The following CDCA7L variants were observed in gnomAD, a reference collection of about 807,000 sequenced individuals.
The protein encoded by CDCA7L is cell division cycle associated 7 like, also known as cell division cycle-associated 7-like protein.
CDCA7L carries 44 observed loss-of-function variants against 57.4 expected under a neutral mutation model. The observed-to-expected ratio is 0.77, with a 90% CI of 0.60 to 0.98. The LOEUF (loss-of-function observed/expected upper bound fraction) is 0.98, where lower values mean the gene tolerates loss of function less well. CDCA7L is among the 50% of genes least tolerant of loss of function. CDCA7L has a pLI of 0.00. For synonymous variants in CDCA7L, 236 were observed against 202.8 expected (o/e 1.16, Z -1.39); for missense variants, 644 against 580.6 (o/e 1.11, Z -1.12).
chr7:21,914,946 C>A (rs890008232), intron 2 of CDCA7L, among the ~76,000 whole-genome samples: 2 of 152,114 alleles, frequency 1.3e-5, no homozygotes, highest in Admixed American at 1.3e-4. Flanking sequence ...TGTGCTCGGC[C>A]CTTTAGACAT....
In CDCA7L at chr7:21,904,153, C is replaced by T. The variant is rs1785050958; in HGVS notation, c.1154G>A (p.Arg385Gln). The change falls in exon 8 of 10, where the codon CGG becomes CAG. Residue 385 changes from arginine (R) to glutamine (Q), a missense_variant. Coordinates refer to ENST00000406877, the MANE Select transcript of CDCA7L (RefSeq NM_018719.5). The stretch of plus-strand genomic sequence containing the variant: ...TCTGACATCCTCCCCATAGCGGTTC[C>T]GCAGGCATGGTCCACAGAACTGTCC... ...VRGQFCGPCL[R>Q]NRYGEDVRSA... 8.7e-6 allele frequency: 14 copies of T among 1,612,912 alleles called. No homozygotes were observed. The highest frequency in any genetic ancestry group is 1.3e-5 in the African/African-American group (1 of 74,866).
intron 1 of CDCA7L, among the ~76,000 whole-genome samples, chr7:21,933,793 A>C (rs1786085997): frequency 6.9e-6 from 1 of 144,300 alleles, no homozygotes. Flanking sequence ...CCAGAACTTA[A>C]AGTATAAAAA....
intron 2 of CDCA7L, 135 bp downstream of exon 2, chr7:21,916,619 C>T: frequency 7.7e-6 from 6 of 780,334 alleles, no homozygotes; most frequent in South Asian, 1.9e-5. Context: ...AAGACACAGA[C>T]ATAATGTTTC....
intron 1 of CDCA7L, among the ~76,000 whole-genome samples, chr7:21,941,059 T>G (rs1350735100): frequency 1.3e-5 from 2 of 152,172 alleles, no homozygotes; most frequent in Non-Finnish European, 2.9e-5. Context: ...GAAAACAATG[T>G]GTCAGAGGCT....
At chr7:21,928,641 A>G (rs1293511309) in intron 1 of CDCA7L, among the ~76,000 whole-genome samples, 2 of 151,936 alleles carry the variant, frequency 1.3e-5, no homozygotes, top group South Asian at 2.1e-4. Flanking sequence ...CACAGCACGA[A>G]AACTTCATGA....
chr7:21,930,313 G>T (rs575716208), intron 1 of CDCA7L, among the ~76,000 whole-genome samples: 1 of 152,306 alleles, frequency 6.6e-6, no homozygotes, highest in South Asian at 2.1e-4. Context: ...CACAGCTAAA[G>T]CAGTGTTGAG....
In CDCA7L at chr7:21,901,152, C is replaced by CA; in HGVS notation, c.*1169dup. On this transcript the variant is annotated 3_prime_UTR_variant, in exon 10 of 10. Transcript: ENST00000406877. ...CCTACGAGTGCCCTGTGTATAGAAC[C>CA]AAACTGAGAGGCCCCAGCTACATCT... 6.2e-7 allele frequency: 1 copy of CA among 1,612,924 alleles called. No individual in the cohort carries two copies. The highest frequency in any genetic ancestry group is 8.5e-7 in the Non-Finnish European group (1 of 1,179,094).
intron 1 of CDCA7L, among the ~76,000 whole-genome samples, chr7:21,930,696 T>TC (rs1785980525): frequency 2.6e-5 from 1 of 38,718 alleles, no homozygotes; most frequent in East Asian, 7.4e-4. Context: ...AGACTCCGTC[T>TC]CAAAAAAAAA....
intron 1 of CDCA7L, among the ~76,000 whole-genome samples, chr7:21,941,368 G>A (rs561350232): frequency 7.2e-5 from 11 of 152,308 alleles, no homozygotes; most frequent in Non-Finnish European, 1.5e-4. Flanking sequence ...TACTGTAAAG[G>A]TTAGACAAAG....
At chr7:21,911,418 T>G (rs941227367) in intron 3 of CDCA7L, among the ~76,000 whole-genome samples, 199 bp downstream of exon 3, 1 of 152,160 alleles carries the variant, frequency 6.6e-6, no homozygotes, top group Non-Finnish European at 1.5e-5. Context: ...ATGAATGGAT[T>G]TTCTCTAAGA....
chr7:21,938,920 G>A (rs544253370), intron 1 of CDCA7L, among the ~76,000 whole-genome samples: 1 of 152,206 alleles, frequency 6.6e-6, no homozygotes, highest in African/African-American at 2.4e-5. Flanking sequence ...TGCAGTGGGA[G>A]GATCACTTGA....
chr7:21,918,236 G>C (rs990900008), intron 1 of CDCA7L, among the ~76,000 whole-genome samples: 1 of 152,160 alleles, frequency 6.6e-6, no homozygotes, highest in Non-Finnish European at 1.5e-5. Context: ...TTCAAAAGTA[G>C]ATGGGAAGAT....
intron 1 of CDCA7L, among the ~76,000 whole-genome samples, chr7:21,942,643 T>C (rs896973327): frequency 2.6e-5 from 4 of 152,224 alleles, no homozygotes; most frequent in Non-Finnish European, 5.9e-5. Flanking sequence ...ATGTTTGTAA[T>C]TGTTTTAGGC....
Position 21,908,236 on chromosome 7 carries a change from C to T in CDCA7L, c.575G>A (p.Arg192Lys), listed in dbSNP as rs758712356. Residue 192 changes from arginine to lysine, a missense_variant, in exon 4 of 10, where the codon AGG becomes AAG. By Grantham distance (26) the Arg-to-Lys change is conservative. Coordinates refer to ENST00000406877, the MANE Select transcript of CDCA7L (RefSeq NM_018719.5). ...CTCAGACTCAGAGGTAGAATCTTCC[C>T]TTTGTATCACCTGTCTACAGTCTTT... Reference protein sequence around the residue: ...RKKDCRQVIQREDSTSESEDD... With the variant: ...RKKDCRQVIQKEDSTSESEDD... 6.2e-7 allele frequency: 1 copy of T among 1,613,616 alleles called. No individual in the cohort carries two copies. Among genetic ancestry groups the T allele is most frequent in the South Asian group, 1.1e-5 (1 of 91,044 alleles).
intron 9 of CDCA7L, 94 bp from the exon 10 acceptor site, chr7:21,902,446 AGCCAGAACCCAGATCTCCT>A: frequency 8.1e-7 from 1 of 1,227,098 alleles, no homozygotes; most frequent in Non-Finnish European, 1.2e-6. Context: ...AAGAGTACAA[AGCCAGAACCCAGATCTCCT>A]GACACTCGAA....
At chr7:21,902,385 A>T in intron 9 of CDCA7L, 33 bp from the exon 10 acceptor site, 1 of 1,598,182 alleles carries the variant, frequency 6.3e-7, no homozygotes, top group Non-Finnish European at 8.6e-7. Context: ...TTGGTAAAGT[A>T]GTACAAATAC....
At chr7:21,914,721 G>A (rs1444478044) in intron 2 of CDCA7L, among the ~76,000 whole-genome samples, 1 of 152,140 alleles carries the variant, frequency 6.6e-6, no homozygotes, top group Non-Finnish European at 1.5e-5. Context: ...CCAGATGTGG[G>A]GCCTTGGGCA....
In CDCA7L at chr7:21,921,880, G is replaced by A. The variant is rs540039024; in HGVS notation, c.25-4986C>T. On this transcript the variant is annotated intron_variant, in intron 1 of 9. Coordinates refer to ENST00000406877, the MANE Select transcript of CDCA7L (RefSeq NM_018719.5). ...GCTATTCCTTTCATGTACAGTTTCT[G>A]TTTGTCTACTCTGTCTTTATTGGAA... 2.6e-5 allele frequency among the ~76,000 whole-genome samples: 4 copies of A among 152,108 alleles called. No homozygotes were observed. The South Asian group carries it at 6.2e-4, about 24-fold the overall frequency.
chr7:21,940,397 A>G (rs1432701395), intron 1 of CDCA7L: 3 of 592,706 alleles, frequency 5.1e-6, no homozygotes, highest in Non-Finnish European at 6.4e-6. Context: ...CATCCATTCA[A>G]TGGATATTTA....
Sources: allele counts gnomAD v4.1 joint callset (sites outside exome capture counted in the v4.1 genomes callset), GRCh38; gene constraint gnomAD v4.1.1; transcripts MANE v1.5; gene names NCBI Gene and HGNC (gene_info 2026-07-23, HGNC 2026-07-21).